NSMCE2: variants seen among roughly 807,000 people sequenced by gnomAD.
The protein encoded by NSMCE2 is E3 SUMO-protein ligase NSE2.
In NSMCE2, 24 loss-of-function variants were observed where a neutral mutation model predicts 23.8. The observed-to-expected ratio is 1.01, with a 90% CI of 0.73 to 1.42. NSMCE2 has a LOEUF of 1.42. NSMCE2 is among the 40% of genes most tolerant of loss of function. The pLI is 0.00. For synonymous variants in NSMCE2, 92 were observed against 94.1 expected (o/e 0.98, Z 0.13); for missense variants, 284 against 296.5 (o/e 0.96, Z 0.31).
At chr8:125,256,902 G>A (rs530827620) in intron 5 of NSMCE2, among the ~76,000 whole-genome samples, 3 of 104,698 alleles carry the variant, frequency 2.9e-5, no homozygotes, top group South Asian at 3.5e-4. Flanking sequence ...CAGCCTGGGC[G>A]ACAAAGCAAG....
At position 125,266,308 on chromosome 8, in the gene NSMCE2, G is replaced by A. The variant is rs558311518; in HGVS notation, c.418+84052G>A. Among the ~76,000 whole-genome samples, 20 of 152,162 alleles carry A rather than the reference G, an allele frequency of 1.3e-4. No individual in the cohort carries two copies. In the South Asian group the frequency reaches 3.9e-3, roughly 30 times the overall value. On this transcript the variant is annotated intron_variant, in intron 5 of 7. Coordinates refer to ENST00000287437, the MANE Select transcript of NSMCE2 (RefSeq NM_173685.4). The stretch of plus-strand genomic sequence containing the variant: ...GTTTCTCCATGTTGGTCAGGCTGAG[G>A]TCTATTTTTTAAACCCCATCAAACT...
intron 5 of NSMCE2, among the ~76,000 whole-genome samples, chr8:125,204,720 A>G (rs1274284717): frequency 3.3e-5 from 5 of 152,222 alleles, no homozygotes; most frequent in Non-Finnish European, 7.3e-5. Flanking sequence ...GCCATTCAAT[A>G]AGATACGCTG....
At chr8:125,156,180 G>A (rs967840944) in intron 4 of NSMCE2, 3 of 216,328 alleles carry the variant, frequency 1.4e-5, no homozygotes, top group African/African-American at 7.2e-5. Flanking sequence ...ACTAAAGCTT[G>A]AGAGTCACAT....
At position 125,098,803 on chromosome 8, in the gene NSMCE2, T is replaced by G. The variant is rs377655433; in HGVS notation, c.-110-3248T>G. On this transcript the variant is annotated intron_variant, in intron 1 of 7. Coordinates refer to ENST00000287437, the MANE Select transcript of NSMCE2 (RefSeq NM_173685.4). ...AAAAGGAGTAGGTTTGGGGGAGGGG[T>G]AGGGTGGGAGAGAAGGAATGTGGGC... Among the ~76,000 whole-genome samples the G allele has an allele frequency of 1.1e-4, 16 of 150,762 alleles. No individual in the cohort carries two copies. The South Asian group carries it at 1.9e-3, about 18-fold the overall frequency.
Position 125,117,173 on chromosome 8 carries a change from G to GT in NSMCE2, c.157+14687dup, listed in dbSNP as rs754395134. On this transcript the variant is annotated intron_variant, in intron 3 of 7. Transcript: ENST00000287437. ...TGCAGTGGTGTCTATTAGCATTAGGGTAGCTGCTGCTTAATTTAAAAAATC... is the reference window on the plus strand; with the variant it reads ...TGCAGTGGTGTCTATTAGCATTAGGGTTAGCTGCTGCTTAATTTAAAAAATC... 6.6e-5 allele frequency among the ~76,000 whole-genome samples: 10 copies of GT among 152,210 alleles called. No individual in the cohort carries two copies. In the South Asian group the frequency reaches 1.5e-3, roughly 22 times the overall value.
chr8:125,231,229 C>G (rs1360517532), intron 5 of NSMCE2, among the ~76,000 whole-genome samples: 1 of 152,068 alleles, frequency 6.6e-6, no homozygotes, highest in African/African-American at 2.4e-5. Context: ...GTAGGGTGAC[C>G]TAATACACAG....
intron 3 of NSMCE2, among the ~76,000 whole-genome samples, chr8:125,115,056 C>T (rs923285432): frequency 6.6e-6 from 1 of 152,226 alleles, no homozygotes; most frequent in Non-Finnish European, 1.5e-5. Flanking sequence ...CAGCCATCCT[C>T]ATGCTCCAAC....
chr8:125,303,777 T>A (rs1304633370), intron 5 of NSMCE2, among the ~76,000 whole-genome samples: 1 of 152,200 alleles, frequency 6.6e-6, no homozygotes, highest in Non-Finnish European at 1.5e-5. Context: ...ATGACAGGGA[T>A]GAATGATTCC....
At chr8:125,293,019 G>A (rs576172480) in intron 5 of NSMCE2, among the ~76,000 whole-genome samples, 7 of 152,192 alleles carry the variant, frequency 4.6e-5, no homozygotes, top group Middle Eastern at 3.2e-3. Flanking sequence ...CTGTCCCAGG[G>A]GGCCTGGTTT....
chr8:125,162,721 C>G (rs942041426), intron 4 of NSMCE2, among the ~76,000 whole-genome samples: 1 of 152,136 alleles, frequency 6.6e-6, no homozygotes, highest in Non-Finnish European at 1.5e-5. Flanking sequence ...CTTTCTCTTA[C>G]CACAAAAACA....
At chr8:125,346,691 G>A (rs1312795508) in intron 5 of NSMCE2, among the ~76,000 whole-genome samples, 1 of 152,160 alleles carries the variant, frequency 6.6e-6, no homozygotes, top group Non-Finnish European at 1.5e-5. Flanking sequence ...CAGGTGCTCA[G>A]TTTGGGAGTA....
At chr8:125,313,705 C>T (rs1829064152) in intron 5 of NSMCE2, among the ~76,000 whole-genome samples, 1 of 152,216 alleles carries the variant, frequency 6.6e-6, no homozygotes, top group South Asian at 2.1e-4. Context: ...CTTAGAGTTT[C>T]CTTGTTCCCC....
At chr8:125,246,880 C>G (rs1201211147) in intron 5 of NSMCE2, among the ~76,000 whole-genome samples, 1 of 151,970 alleles carries the variant, frequency 6.6e-6, no homozygotes. Flanking sequence ...CGCATAATTA[C>G]CATTTTCTTT....
chr8:125,178,864 C>CAACAAAAA (rs1822638066), intron 4 of NSMCE2, among the ~76,000 whole-genome samples: 1 of 149,088 alleles, frequency 6.7e-6, no homozygotes, highest in Non-Finnish European at 1.5e-5. Flanking sequence ...GACTCCGCCT[C>CAACAAAAA]AAAAAAAAAT....
chr8:125,125,190 C>T (rs1281061645), intron 3 of NSMCE2, among the ~76,000 whole-genome samples: 2 of 151,770 alleles, frequency 1.3e-5, no homozygotes, highest in Non-Finnish European at 2.9e-5. Context: ...CCTAATTGTC[C>T]TCGATAGAAC....
chr8:125,329,157 G>C (rs1829782658), intron 5 of NSMCE2, among the ~76,000 whole-genome samples: 1 of 152,202 alleles, frequency 6.6e-6, no homozygotes, highest in Non-Finnish European at 1.5e-5. Context: ...ACCAAGATCT[G>C]AATGACAGCA....
chr8:125,263,172 T>G (rs973883290), intron 5 of NSMCE2, among the ~76,000 whole-genome samples: 32 of 152,298 alleles, frequency 2.1e-4, no homozygotes, highest in Admixed American at 5.9e-4. Flanking sequence ...GAGAGAGAGA[T>G]AAGGTAGGAG....
chr8:125,275,034 T>TAAA (rs1554630068), intron 5 of NSMCE2, among the ~76,000 whole-genome samples: 3 of 132,164 alleles, frequency 2.3e-5, no homozygotes, highest in Admixed American at 7.8e-5. Flanking sequence ...ATAATAATAA[T>TAAA]AAATAGAATA....
At chr8:125,134,229 TTA>T (rs1356918494) in intron 3 of NSMCE2, among the ~76,000 whole-genome samples, 7 of 152,220 alleles carry the variant, frequency 4.6e-5, no homozygotes, top group African/African-American at 1.2e-4. Context: ...CACCCAGACA[TTA>T]TGTTATGAAG....
Sources: gnomAD v4.1 joint callset for allele counts (sites outside exome capture counted in the v4.1 genomes callset) on GRCh38, gnomAD v4.1.1 for gene constraint, MANE v1.5 for transcripts, NCBI Gene and HGNC (gene_info 2026-07-23, HGNC 2026-07-21) for gene names.